Variants in TMEM266 observed in about 807,000 individuals in gnomAD.
TMEM266 encodes transmembrane protein 266, also known as Hv1 related protein 1.
In TMEM266, 33 loss-of-function variants were observed where a neutral mutation model predicts 50.5. The ratio of observed to expected loss-of-function variants is 0.65; its 90% CI spans 0.50 to 0.87. The LOEUF is 0.87. Among genes scored for constraint, TMEM266 ranks in the 40% least tolerant of loss-of-function variants. TMEM266 has a pLI of 0.00. For missense variants in TMEM266, 655 were observed against 695.1 expected, an observed-to-expected ratio of 0.94 and a Z score of 0.65; for synonymous variants, 310 against 292.3, an observed-to-expected ratio of 1.06 and a Z score of -0.62.
At chr15:76,133,659 C>G (rs1596125692) in intron 1 of TMEM266, among the ~76,000 whole-genome samples, 2 of 152,092 alleles carry the variant, frequency 1.3e-5, no homozygotes, top group African/African-American at 4.8e-5. Flanking sequence ...ACTGTGGCAG[C>G]CCAGCTCCAG....
At chr15:76,132,177 C>T (rs1310608507) in intron 1 of TMEM266, among the ~76,000 whole-genome samples, 3 of 151,448 alleles carry the variant, frequency 2.0e-5, no homozygotes, top group Admixed American at 6.6e-5. Flanking sequence ...GGCGTGATCT[C>T]GGCTCACTGC....
chr15:76,145,722 A>G (rs531351620), intron 3 of TMEM266, among the ~76,000 whole-genome samples: 10 of 152,352 alleles, frequency 6.6e-5, no homozygotes, highest in Non-Finnish European at 1.3e-4. Flanking sequence ...CCTTAATTTC[A>G]TCCAGCGTCT....
chr15:76,087,872 C>T (rs1193174670), intron 1 of TMEM266, among the ~76,000 whole-genome samples: 1 of 152,180 alleles, frequency 6.6e-6, no homozygotes, highest in East Asian at 1.9e-4. Flanking sequence ...CCTAAGCCCC[C>T]CTCAAACCTC....
chr15:76,086,937 G>GC (rs1257838147), intron 1 of TMEM266, among the ~76,000 whole-genome samples: 3 of 151,464 alleles, frequency 2.0e-5, no homozygotes, highest in Admixed American at 6.6e-5. Flanking sequence ...TCGGGGGGGG[G>GC]GCGGTGGTGT....
At chr15:76,092,081 G>T (rs1031044330) in intron 1 of TMEM266, among the ~76,000 whole-genome samples, 1 of 151,954 alleles carries the variant, frequency 6.6e-6, no homozygotes, top group African/African-American at 2.4e-5. Flanking sequence ...CATGTTGAGC[G>T]ATATGATAGA....
intron 8 of TMEM266, among the ~76,000 whole-genome samples, chr15:76,189,755 C>A (rs1311801780): frequency 1.1e-4 from 17 of 152,154 alleles, no homozygotes; most frequent in Admixed American, 1.1e-3. Flanking sequence ...AGAAAATGAA[C>A]CAGGGGGCTC....
intron 3 of TMEM266, among the ~76,000 whole-genome samples, chr15:76,154,254 C>T (rs2037888320): frequency 6.6e-6 from 1 of 152,158 alleles, no homozygotes; most frequent in Admixed American, 6.5e-5. Context: ...GAAAATTGCT[C>T]ATTGTTTATG....
At chr15:76,136,056 G>A (rs1419789022) in intron 2 of TMEM266, among the ~76,000 whole-genome samples, 2 of 151,624 alleles carry the variant, frequency 1.3e-5, no homozygotes, top group African/African-American at 4.9e-5. Context: ...CGATTCTCCT[G>A]CCTCAGCCTC....
chr15:76,138,358 C>T (rs1002617924), intron 3 of TMEM266, among the ~76,000 whole-genome samples: 7 of 151,960 alleles, frequency 4.6e-5, no homozygotes, highest in African/African-American at 1.7e-4. Context: ...CCTTTTCCTA[C>T]TCACGCATTA....
intron 1 of TMEM266, among the ~76,000 whole-genome samples, chr15:76,096,065 C>G (rs1420093467): frequency 6.6e-6 from 1 of 152,036 alleles, no homozygotes; most frequent in Non-Finnish European, 1.5e-5. Flanking sequence ...AAAACACCAG[C>G]TCCTGGATTC....
rs949798713 is a variant in TMEM266, at chr15:76,153,067, A to C, written c.228-3537A>C. Reference sequence around the variant, plus strand: ...CAACTATGGGCTGACTTCAGACCACAGGTAACTCCAGACGCCCACCTCCTG... The same window carrying C: ...CAACTATGGGCTGACTTCAGACCACCGGTAACTCCAGACGCCCACCTCCTG... On this transcript the variant is annotated intron_variant, in intron 3 of 10. Transcript: ENST00000388942. This position sits in a 1 kb window ranked among gnomAD's most constrained non-coding sequence, Gnocchi z 4.2. 6.6e-6 allele frequency among the ~76,000 whole-genome samples: 1 copy of C among 151,504 alleles called. No individual in the cohort carries two copies.
At chr15:76,121,362 A>G (rs2037342890) in intron 1 of TMEM266, among the ~76,000 whole-genome samples, 1 of 152,284 alleles carries the variant, frequency 6.6e-6, no homozygotes, top group Admixed American at 6.5e-5. Flanking sequence ...ATCTCATACA[A>G]CAAACCACCC....
chr15:76,085,758 G>C (rs919735855), intron 1 of TMEM266, among the ~76,000 whole-genome samples: 3 of 152,140 alleles, frequency 2.0e-5, no homozygotes, highest in Non-Finnish European at 1.5e-5. Context: ...ATACAAAAAT[G>C]TCCACAGGCT....
At chr15:76,194,393 C>A (rs1304667539) in intron 9 of TMEM266, among the ~76,000 whole-genome samples, 3 of 152,226 alleles carry the variant, frequency 2.0e-5, no homozygotes, top group Admixed American at 1.3e-4. Flanking sequence ...TCCCCTCCCC[C>A]ACCATACCGT....
chr15:76,137,780 G>T lies in TMEM266; in HGVS notation c.112G>T (p.Ala38Ser), dbSNP rs1044547272. The T allele has an allele frequency of 6.2e-7, 1 of 1,614,216 alleles. No homozygotes were observed. Among genetic ancestry groups the T allele is most frequent in the Non-Finnish European group, 8.5e-7 (1 of 1,180,034 alleles). The change falls in exon 3 of 11, where the codon GCT becomes TCT. Residue 38 changes from alanine to serine, a missense_variant. This residue lies in a region of TMEM266 where 99 missense variants were observed against 110.8 expected (regional missense o/e 0.89). Coordinates refer to ENST00000388942, the MANE Select transcript of TMEM266 (RefSeq NM_152335.3). ...AGTAGACGAAGAAACCAAGAGCATT[G>T]CTCCTGTGCAGCTGGTGAACTTTGC... ...SIAPVQLVNF[A>S]YRDLPLAAVD... is the part of the protein sequence containing the mutation.
chr15:76,111,077 C>T (rs2037164030), intron 1 of TMEM266, among the ~76,000 whole-genome samples: 1 of 138,094 alleles, frequency 7.2e-6, no homozygotes, highest in African/African-American at 2.8e-5. Context: ...CACACTTTCG[C>T]AGTTTCTTTT....
At chr15:76,128,438 A>G (rs147648270) in intron 1 of TMEM266, among the ~76,000 whole-genome samples, 1 of 152,236 alleles carries the variant, frequency 6.6e-6, no homozygotes, top group African/African-American at 2.4e-5. Flanking sequence ...AACAAGTGGA[A>G]GAGACTGGAA....
At position 76,191,988 on chromosome 15, in the gene TMEM266, C is replaced by T. The variant is rs1386972493; in HGVS notation, c.789C>T (p.Arg263=). ...CGCAGTTTGAGATCCGGCAGCTGCG[C>T]GCGCACCTGGCGCAGCAGGACCTGG... The change falls in exon 9 of 11, where the codon CGC becomes CGT. Residue 263 remains arginine, a synonymous_variant. Transcript: ENST00000388942. The T allele has an allele frequency of 2.5e-6, 4 of 1,583,510 alleles. No homozygotes were observed. The highest frequency in any genetic ancestry group is 1.4e-5 in the African/African-American group (1 of 71,442).
chr15:76,152,354 C>T (rs2959862), intron 3 of TMEM266, among the ~76,000 whole-genome samples: 77,891 of 152,002 alleles, frequency 0.51, 20,121 homozygotes, highest in South Asian at 0.61. Context: ...ACTGAGCTGG[C>T]GTGAGAATGA....
Sources: allele counts gnomAD v4.1 joint callset (sites outside exome capture counted in the v4.1 genomes callset), GRCh38; gene constraint gnomAD v4.1.1; regional missense constraint gnomAD v4.1.1; non-coding constraint Gnocchi (gnomAD v3.1); transcripts MANE v1.5; gene names NCBI Gene and HGNC (gene_info 2026-07-23, HGNC 2026-07-21).